Variants in VPS13C observed in about 807,000 individuals in gnomAD.
VPS13C encodes vacuolar protein sorting 13 homolog C, also known as intermembrane lipid transfer protein VPS13C.
VPS13C carries 358 observed loss-of-function variants against 456.8 expected under a neutral mutation model. That is an observed-to-expected ratio of 0.78 (90% CI 0.72 to 0.86). VPS13C has a LOEUF of 0.86. VPS13C is among the 40% of genes least tolerant of loss of function. The pLI, the probability that VPS13C is intolerant of heterozygous loss-of-function variation, is 0.00. For synonymous variants in VPS13C, 1,578 were observed against 1,486.7 expected, an observed-to-expected ratio of 1.06 and a Z score of -1.41; for missense variants, 4,818 against 4,385.4, an observed-to-expected ratio of 1.10 and a Z score of -2.79.
At position 61,852,954 on chromosome 15, in the gene VPS13C, C is replaced by G. The variant is rs1050066074; in HGVS notation, c.*1503G>C. The G allele has an allele frequency of 2.6e-5, 4 of 152,020 alleles. No individual in the cohort carries two copies. The highest frequency in any genetic ancestry group is 4.4e-5 in the Non-Finnish European group (3 of 67,998). 9.4% of individuals were successfully genotyped at this position (152,020 alleles called of 1,614,324 possible). ...ACACATAAACAAAAATAGAGCAAAC[C>G]AAGCGTGTCCACATCTCCATGAATT... On this transcript the variant is annotated 3_prime_UTR_variant, in exon 85 of 85. Transcript: ENST00000644861.
At chr15:61,968,685 A>G (rs1433320564) in intron 28 of VPS13C, among the ~76,000 whole-genome samples, 2 of 152,148 alleles carry the variant, frequency 1.3e-5, no homozygotes, top group African/African-American at 4.8e-5. Flanking sequence ...TTTTATTTTT[A>G]TAACCTGGTG....
intron 79 of VPS13C, among the ~76,000 whole-genome samples, chr15:61,871,309 C>T (rs1032413640): frequency 3.9e-5 from 6 of 152,064 alleles, no homozygotes; most frequent in Non-Finnish European, 7.4e-5. Context: ...TGTTCTTTTG[C>T]TCATAGATAT....
At chr15:61,876,754 G>T (rs977732306) in intron 75 of VPS13C, among the ~76,000 whole-genome samples, 1 of 151,804 alleles carries the variant, frequency 6.6e-6, no homozygotes, top group Non-Finnish European at 1.5e-5. Context: ...AAGTATAATT[G>T]CAAAGTCAAA....
intron 9 of VPS13C, among the ~76,000 whole-genome samples, chr15:62,015,154 G>C (rs1169584151): frequency 6.6e-6 from 1 of 152,148 alleles, no homozygotes; most frequent in Non-Finnish European, 1.5e-5. Flanking sequence ...ATTAGTCACA[G>C]TTTTCTGGAA....
intron 45 of VPS13C, 143 bp downstream of exon 45, chr15:61,945,572 T>A (rs2044575359): frequency 1.9e-6 from 1 of 528,814 alleles, no homozygotes; most frequent in Non-Finnish European, 3.1e-6. Flanking sequence ...TGAAAAGGAT[T>A]TCTTTAAATA....
At chr15:62,010,105 G>C (rs1212020729) in intron 13 of VPS13C, among the ~76,000 whole-genome samples, 1 of 151,928 alleles carries the variant, frequency 6.6e-6, no homozygotes, top group Non-Finnish European at 1.5e-5. Flanking sequence ...TAGGAGAATG[G>C]CATGAACCCA....
intron 26 of VPS13C, 87 bp downstream of exon 26, chr15:61,973,367 G>A: frequency 9.0e-7 from 1 of 1,108,456 alleles, no homozygotes. Flanking sequence ...AGCACTTTCA[G>A]ACTGCCCTTA....
intron 80 of VPS13C, among the ~76,000 whole-genome samples, chr15:61,869,116 C>CTTTTTTTTTTTTTTTTTTT (rs68084709): frequency 1.5e-5 from 2 of 131,304 alleles, no homozygotes; most frequent in African/African-American, 3.0e-5. Context: ...TTTCTTTTTT[C>CTTTTTTTTTTTTTTTTTTT]TTTTTTTTTT....
chr15:61,867,256 AT>A lies in VPS13C; in HGVS notation c.10863+1402del. On this transcript the variant is annotated intron_variant, in intron 81 of 84. Transcript: ENST00000644861. The surrounding 1 kb of genome is among the most constrained non-coding windows in gnomAD (Gnocchi z 5.0). ...GAGATTCAATTTTTGAAAAGCAGAA[AT>A]GCTAAAGGCTGAAAATGTATATAAC... 1.0e-6 allele frequency: 1 copy of A among 984,122 alleles called. No homozygotes were observed. Among genetic ancestry groups the A allele is most frequent in the Non-Finnish European group, 1.2e-6 (1 of 828,754 alleles). The allele number at this position is 984,122 out of a possible 1,614,324, so 61.0% of individuals were successfully genotyped here.
At chr15:61,963,051 T>C (rs1157802368) in intron 32 of VPS13C, among the ~76,000 whole-genome samples, 199 bp from the exon 33 acceptor site, 1 of 152,156 alleles carries the variant, frequency 6.6e-6, no homozygotes, top group Non-Finnish European at 1.5e-5. Context: ...ACAATGATTA[T>C]GTGACTTTTC....
chr15:61,986,929 CA>C (rs1468389376), intron 18 of VPS13C, among the ~76,000 whole-genome samples: 3 of 151,362 alleles, frequency 2.0e-5, no homozygotes, highest in African/African-American at 2.4e-5. Context: ...TTCAGAAAGA[CA>C]AAAAAAATTT....
In VPS13C at chr15:61,927,329, A is replaced by G; in HGVS notation, c.6287-9T>C. On this transcript the variant is annotated splice_polypyrimidine_tract_variant and intron_variant, in intron 51 of 84. Coordinates refer to ENST00000644861, the MANE Select transcript of VPS13C (RefSeq NM_020821.3). The stretch of plus-strand genomic sequence containing the variant: ...TGGTCTAACAGAGTCATCTGAAGAA[A>G]CAAGCAACAGGAACCAGAAAAGTTT... The G allele has an allele frequency of 1.2e-6, 2 of 1,608,446 alleles. No individual in the cohort carries two copies. The highest frequency in any genetic ancestry group is 8.5e-7 in the Non-Finnish European group (1 of 1,176,430).
rs1893730471 is a variant in VPS13C at position 61,853,082 on chromosome 15, G to C, written c.*1375C>G. The stretch of plus-strand genomic sequence containing the variant: ...TTGAGTATTTTTTAAAGTTTTAATA[G>C]TTTATCTCTGATCAAGGATGGAGAA... On this transcript the variant is annotated 3_prime_UTR_variant, in exon 85 of 85. Transcript: ENST00000644861. 2 of 151,974 alleles carry C rather than the reference G, an allele frequency of 1.3e-5. No individual in the cohort carries two copies. The highest frequency in any genetic ancestry group is 1.3e-4 in the Admixed American group (2 of 15,262). The allele number at this position is 151,974 out of a possible 1,614,324, so 9.4% of individuals were successfully genotyped here.
intron 66 of VPS13C, among the ~76,000 whole-genome samples, chr15:61,899,963 C>A (rs1318836748): frequency 6.6e-6 from 1 of 152,108 alleles, no homozygotes; most frequent in African/African-American, 2.4e-5. Context: ...TAAATATACA[C>A]AAATCAATAA....
chr15:61,860,699 A>T (rs1012915323), intron 82 of VPS13C, among the ~76,000 whole-genome samples: 1 of 152,168 alleles, frequency 6.6e-6, no homozygotes. Flanking sequence ...AAAAATTGAC[A>T]AGACTAAAAT....
Position 61,925,468 on chromosome 15 carries a change from T to G in VPS13C, c.6597A>C (p.Glu2199Asp). Residue 2199 changes from glutamate to aspartate, a missense_variant, in exon 53 of 85, where the codon GAA becomes GAC. Physicochemically the swap from Glu to Asp is conservative, Grantham distance 45 (BLOSUM62 2). Around this residue, in one of 3 missense-constraint regions of VPS13C, gnomAD observed 4,552 missense variants for 4,130.6 expected, o/e 1.10. Transcript: ENST00000644861. ...GGTAAGTACTAACCTTAATTATAAA[T>G]TCTTTAACCATAATATTTATATTTT... ...GKQNINIMVK[E>D]FIIKISPIIL... is the part of the protein sequence containing the mutation. 1 of 1,567,390 alleles carries G rather than the reference T, an allele frequency of 6.4e-7. No individual in the cohort carries two copies. The highest frequency in any genetic ancestry group is 2.3e-5 in the East Asian group (1 of 44,038).
intron 1 of VPS13C, among the ~76,000 whole-genome samples, chr15:62,051,389 G>A (rs115007306): frequency 6.6e-6 from 1 of 152,234 alleles, no homozygotes; most frequent in African/African-American, 2.4e-5. Context: ...CAAGAAACAG[G>A]TTGTATACAT....
At chr15:62,031,600 A>G (rs2047822442) in intron 5 of VPS13C, among the ~76,000 whole-genome samples, 1 of 152,018 alleles carries the variant, frequency 6.6e-6, no homozygotes, top group African/African-American at 2.4e-5. Context: ...TTTTTGACAA[A>G]TATAACATGT....
rs143932164 is a variant in VPS13C at position 61,892,202 on chromosome 15, C to T, written c.9106-1802G>A. 9.5e-4 allele frequency among the ~76,000 whole-genome samples: 145 copies of T among 152,266 alleles called. 1 individual carries two copies. In the East Asian group the frequency reaches 0.022, roughly 23 times the overall value. On this transcript the variant is annotated intron_variant, in intron 66 of 84. Coordinates refer to ENST00000644861, the MANE Select transcript of VPS13C (RefSeq NM_020821.3). ...AAGAGGAGAAGCAGGATTAAAAACT[C>T]CAGCCCAAGAATTTCTGCTCTTTAT...
Sources: gnomAD v4.1 joint callset for allele counts (sites outside exome capture counted in the v4.1 genomes callset) on GRCh38, gnomAD v4.1.1 for gene constraint, gnomAD v4.1.1 regional missense constraint, Gnocchi (gnomAD v3.1) non-coding constraint, MANE v1.5 for transcripts, NCBI Gene and HGNC (gene_info 2026-07-23, HGNC 2026-07-21) for gene names.